The following SLC27A2 variants were observed in gnomAD, a reference collection of about 807,000 sequenced individuals.
The protein encoded by SLC27A2 is solute carrier family 27 member 2, also known as long-chain fatty acid transport protein 2.
In SLC27A2, 54 loss-of-function variants were observed where a neutral mutation model predicts 60.0. That is an observed-to-expected ratio of 0.90 (90% CI 0.72 to 1.13). The LOEUF (loss-of-function observed/expected upper bound fraction) is 1.13, where lower values mean the gene tolerates loss of function less well. SLC27A2 is among the 50% of genes most tolerant of loss of function. The probability of loss-of-function intolerance (pLI) is 0.00; values close to 1 mark genes in which losing one functional copy is unlikely to be tolerated. For missense variants in SLC27A2, 739 were observed against 777.6 expected, an observed-to-expected ratio of 0.95 and a Z score of 0.59; for synonymous variants, 297 against 297.6, an observed-to-expected ratio of 1.00 and a Z score of 0.02.
intron 2 of SLC27A2, among the ~76,000 whole-genome samples, chr15:50,199,844 C>T (rs2045051128): frequency 6.6e-6 from 1 of 152,238 alleles, no homozygotes; most frequent in Non-Finnish European, 1.5e-5. Flanking sequence ...GGGAGGATCA[C>T]TTGAGCCCAG....
At chr15:50,225,216 G>C (rs1032339162) in intron 5 of SLC27A2, among the ~76,000 whole-genome samples, 4 of 152,032 alleles carry the variant, frequency 2.6e-5, no homozygotes, top group Non-Finnish European at 4.4e-5. Context: ...ATTTGAAATA[G>C]ACACAGTAAT....
In SLC27A2 at chr15:50,190,434, T is replaced by C. The variant is rs533813436; in HGVS notation, c.479-7066T>C. Among the ~76,000 whole-genome samples the C allele has an allele frequency of 4.6e-5, 7 of 152,144 alleles. No individual in the cohort carries two copies. In the South Asian group the frequency reaches 1.0e-3, roughly 22 times the overall value. ...TTTGTTTAATCCAGTCAGTTACTCA[T>C]TCACTGAGGCAGTCTAGTAGCAGAA... On this transcript the variant is annotated intron_variant, in intron 1 of 9. Coordinates refer to ENST00000267842, the MANE Select transcript of SLC27A2 (RefSeq NM_003645.4).
At chr15:50,188,402 A>G (rs957013472) in intron 1 of SLC27A2, among the ~76,000 whole-genome samples, 1 of 152,234 alleles carries the variant, frequency 6.6e-6, no homozygotes, top group Non-Finnish European at 1.5e-5. Flanking sequence ...TGGAAAAAAT[A>G]GGGACTCAGA....
intron 4 of SLC27A2, among the ~76,000 whole-genome samples, chr15:50,217,947 G>A (rs1487436554): frequency 1.3e-5 from 2 of 151,744 alleles, no homozygotes; most frequent in Non-Finnish European, 2.9e-5. Flanking sequence ...CCAGCTACTG[G>A]GGAGGCTGAG....
chr15:50,212,426 C>G (rs942457403), intron 4 of SLC27A2, among the ~76,000 whole-genome samples: 11 of 152,180 alleles, frequency 7.2e-5, no homozygotes, highest in Non-Finnish European at 1.5e-4. Context: ...CATGCAAATA[C>G]ATGAAGCACA....
intron 1 of SLC27A2, among the ~76,000 whole-genome samples, chr15:50,195,762 C>T (rs947044740): frequency 2.6e-5 from 4 of 151,452 alleles, no homozygotes; most frequent in Non-Finnish European, 4.4e-5. Context: ...TAGGTGTAGC[C>T]TCCCCAAGGT....
At chr15:50,201,655 A>G (rs1040488251) in intron 2 of SLC27A2, among the ~76,000 whole-genome samples, 4 of 151,734 alleles carry the variant, frequency 2.6e-5, no homozygotes, top group Admixed American at 6.6e-5. Flanking sequence ...TCCCAGGTTC[A>G]TGCCATTCTC....
Position 50,228,997 on chromosome 15 carries a change from G to T in SLC27A2, c.1510G>T (p.Val504Phe), listed in dbSNP as rs774153448. 6.2e-7 allele frequency: 1 copy of T among 1,613,850 alleles called. No homozygotes were observed. Among genetic ancestry groups the T allele is most frequent in the Non-Finnish European group, 8.5e-7 (1 of 1,179,862 alleles). The change falls in exon 8 of 10, where the codon GTT becomes TTT. Residue 504 changes from valine (V) to phenylalanine (F), a missense_variant. Val to Phe is a conservative substitution (Grantham distance 50). Coordinates refer to ENST00000267842, the MANE Select transcript of SLC27A2 (RefSeq NM_003645.4). ...TTEVADTVGL[V>F]DFVQEVNVYG... ...TGAAGTTGCTGATACAGTTGGACTGGTTGATTTTGTCCAAGAAGTAAATGT... is the reference window on the plus strand; with the variant it reads ...TGAAGTTGCTGATACAGTTGGACTGTTTGATTTTGTCCAAGAAGTAAATGT...
rs747021851 is a variant in SLC27A2 at position 50,197,727 on chromosome 15, A to G, written c.688+18A>G. 5.7e-6 allele frequency: 9 copies of G among 1,579,118 alleles called. No individual in the cohort carries two copies. Among genetic ancestry groups the G allele is most frequent in the South Asian group, 5.6e-5 (5 of 89,832 alleles). ...AACCACAGGTAAAAATAAAGGGGGG[A>G]TTCTCCAAAAAAATTAATCTGAAGG... On this transcript the variant is annotated intron_variant, in intron 2 of 9. Coordinates refer to ENST00000267842, the MANE Select transcript of SLC27A2 (RefSeq NM_003645.4).
At chr15:50,194,077 T>C (rs1198581112) in intron 1 of SLC27A2, among the ~76,000 whole-genome samples, 2 of 152,006 alleles carry the variant, frequency 1.3e-5, no homozygotes, top group Admixed American at 6.6e-5. Context: ...GCCCAGGAGG[T>C]TGACGCTGCA....
chr15:50,219,142 G>A (rs2045224697), intron 4 of SLC27A2, among the ~76,000 whole-genome samples: 1 of 152,230 alleles, frequency 6.6e-6, no homozygotes, highest in South Asian at 2.1e-4. Flanking sequence ...AAAAATGGGA[G>A]AGAGAATAGG....
At chr15:50,190,241 T>G (rs2140895731) in intron 1 of SLC27A2, among the ~76,000 whole-genome samples, 1 of 152,358 alleles carries the variant, frequency 6.6e-6, no homozygotes, top group South Asian at 2.1e-4. Context: ...TCAAGGACTA[T>G]GTTATTAATA....
chr15:50,190,066 T>A (rs2044961173), intron 1 of SLC27A2, among the ~76,000 whole-genome samples: 1 of 152,174 alleles, frequency 6.6e-6, no homozygotes, highest in Non-Finnish European at 1.5e-5. Context: ...TCCGGGTGAT[T>A]TGTGTGGGGA....
chr15:50,226,417 A>T (rs887212175), intron 6 of SLC27A2, among the ~76,000 whole-genome samples: 2 of 152,202 alleles, frequency 1.3e-5, no homozygotes, highest in Non-Finnish European at 2.9e-5. Flanking sequence ...ATAAATCATT[A>T]TTCAGTAAAA....
intron 7 of SLC27A2, 75 bp downstream of exon 7, chr15:50,227,253 C>A: frequency 8.7e-7 from 1 of 1,154,384 alleles, no homozygotes; most frequent in Non-Finnish European, 1.3e-6. Flanking sequence ...AATCGCATTC[C>A]ACTTTGGTTA....
intron 1 of SLC27A2, chr15:50,191,241 A>T (rs2044971123): frequency 6.6e-6 from 1 of 152,252 alleles, no homozygotes; most frequent in South Asian, 2.1e-4. Context: ...GTTTGTTATT[A>T]GTAAAGAGAG....
At chr15:50,206,505 C>G (rs548521629) in intron 4 of SLC27A2, among the ~76,000 whole-genome samples, 2 of 152,318 alleles carry the variant, frequency 1.3e-5, no homozygotes, top group African/African-American at 4.8e-5. Context: ...CCAGGTCTCT[C>G]TCACCTCACT....
At chr15:50,233,576 A>G (rs1336227824) in intron 8 of SLC27A2, among the ~76,000 whole-genome samples, 2 of 152,228 alleles carry the variant, frequency 1.3e-5, no homozygotes, top group African/African-American at 4.8e-5. Context: ...CATCTGTAAA[A>G]TGGAAATAAT....
At position 50,182,291 on chromosome 15, in the gene SLC27A2, A is replaced by T; in HGVS notation, c.-137A>T. The T allele has an allele frequency of 7.8e-7, 1 of 1,285,072 alleles. No homozygotes were observed. The highest frequency in any genetic ancestry group is 9.9e-7 in the Non-Finnish European group (1 of 1,009,830). The allele number at this position is 1,285,072 out of a possible 1,614,324, so 79.6% of individuals were successfully genotyped here. On this transcript the variant is annotated 5_prime_UTR_variant, in exon 1 of 10. Transcript: ENST00000267842. ...GCGGAGGAGCTCTGTCTTCCCCTTCATCTCACGCGAGCCCGGCGTCCCGCC... is the reference window on the plus strand; with the variant it reads ...GCGGAGGAGCTCTGTCTTCCCCTTCTTCTCACGCGAGCCCGGCGTCCCGCC...
Sources: allele counts gnomAD v4.1 joint callset (sites outside exome capture counted in the v4.1 genomes callset), GRCh38; gene constraint gnomAD v4.1.1; transcripts MANE v1.5; gene names NCBI Gene and HGNC (gene_info 2026-07-23, HGNC 2026-07-21).